COL5A2: variants seen among roughly 807,000 people sequenced by gnomAD.
COL5A2 encodes collagen type V alpha 2 chain, also known as collagen alpha-2(V) chain.
COL5A2 carries 23 observed loss-of-function variants against 208.2 expected under a neutral mutation model. That is an observed-to-expected ratio of 0.11 (90% CI 0.08 to 0.16). The LOEUF (loss-of-function observed/expected upper bound fraction) is 0.16, where lower values mean the gene tolerates loss of function less well. Among genes scored for constraint, COL5A2 ranks in the 10% least tolerant of loss-of-function variants. The pLI, the probability that COL5A2 is intolerant of heterozygous loss-of-function variation, is 1.00. For missense variants in COL5A2, 1,590 were observed against 1,956.4 expected (o/e 0.81, Z 3.53); for synonymous variants, 625 against 628.5 (o/e 0.99, Z 0.08).
the COL5A2 span, among the ~76,000 whole-genome samples, chr2:189,412,417 A>G: frequency 6.6e-6 from 1 of 152,256 alleles, no homozygotes; most frequent in Non-Finnish European, 1.5e-5. Flanking sequence ...TACTCATTCT[A>G]TAACATTCCA....
At chr2:189,344,640 A>G in the COL5A2 span, among the ~76,000 whole-genome samples, 4 of 152,196 alleles carry the variant, frequency 2.6e-5, no homozygotes, top group African/African-American at 9.7e-5. Flanking sequence ...TTCATCCTGC[A>G]AATGGAAATT....
At chr2:189,231,364 C>A in the COL5A2 span, among the ~76,000 whole-genome samples, 2 of 151,636 alleles carry the variant, frequency 1.3e-5, no homozygotes, top group African/African-American at 4.8e-5. Context: ...AGAACTTTAA[C>A]TTTACCAGGG....
the COL5A2 span, among the ~76,000 whole-genome samples, chr2:189,423,318 A>C: frequency 6.6e-6 from 1 of 151,932 alleles, no homozygotes; most frequent in Non-Finnish European, 1.5e-5. Context: ...CTAACATTGC[A>C]CCTTAAGGAA....
chr2:189,289,184 A>C, the COL5A2 span, among the ~76,000 whole-genome samples: 16 of 152,108 alleles, frequency 1.1e-4, no homozygotes, highest in East Asian at 9.7e-4. Flanking sequence ...TCTACTAAAA[A>C]TACAAAAATT....
the COL5A2 span, among the ~76,000 whole-genome samples, chr2:189,350,423 T>C: frequency 2.0e-5 from 3 of 152,012 alleles, no homozygotes; most frequent in Non-Finnish European, 4.4e-5. Flanking sequence ...ATAAGAAAGC[T>C]CTAAAAAGAA....
At chr2:189,297,499 T>A in the COL5A2 span, among the ~76,000 whole-genome samples, 1 of 152,342 alleles carries the variant, frequency 6.6e-6, no homozygotes, top group East Asian at 1.9e-4. Context: ...AAAATTAATT[T>A]TTTTAATTTA....
the COL5A2 span, among the ~76,000 whole-genome samples, chr2:189,380,640 A>T: frequency 6.6e-6 from 1 of 151,792 alleles, no homozygotes; most frequent in Non-Finnish European, 1.5e-5. Context: ...TGTAAAAAAT[A>T]TAAAAATTTT....
At chr2:189,260,543 G>T in the COL5A2 span, among the ~76,000 whole-genome samples, 1 of 152,150 alleles carries the variant, frequency 6.6e-6, no homozygotes, top group Admixed American at 6.5e-5. Context: ...GCTGAGAAAT[G>T]ATGTGTTCAA....
the COL5A2 span, among the ~76,000 whole-genome samples, chr2:189,341,734 C>A: frequency 6.6e-6 from 1 of 152,136 alleles, no homozygotes; most frequent in African/African-American, 2.4e-5. Flanking sequence ...CAACTACACA[C>A]ACTAACAGTG....
the COL5A2 span, among the ~76,000 whole-genome samples, chr2:189,285,416 C>T: frequency 4.1e-4 from 63 of 152,110 alleles, no homozygotes; most frequent in African/African-American, 1.3e-3. Context: ...CTGAAAAGGC[C>T]CCCTGAATTC....
At chr2:189,257,437 T>C in the COL5A2 span, among the ~76,000 whole-genome samples, 1 of 152,238 alleles carries the variant, frequency 6.6e-6, no homozygotes, top group African/African-American at 2.4e-5. Context: ...TTTTAAGATA[T>C]ATCTCAATAT....
At position 189,060,758 on chromosome 2, in the gene COL5A2, G is replaced by A. The variant is rs1576500665; in HGVS notation, c.2057C>T (p.Pro686Leu). Residue 686 changes from proline to leucine, a missense_variant, in exon 31 of 54, where the codon CCT (proline) becomes CTT (leucine). Pro to Leu is a moderately conservative substitution (Grantham distance 98, BLOSUM62 -3). Coordinates refer to ENST00000374866, the MANE Select transcript of COL5A2 (RefSeq NM_000393.5). ...ATCACCTGGTTTTCCACCTTCTCCAGGAGGCCCTGGAGGACCAGGAAGCCC... is the reference window on the plus strand; with the variant it reads ...ATCACCTGGTTTTCCACCTTCTCCAAGAGGCCCTGGAGGACCAGGAAGCCC... ...FQGLPGPPGP[P>L]GEGGKPGDQG... 1 of 1,613,588 alleles carries A rather than the reference G, an allele frequency of 6.2e-7. No homozygotes were observed. The highest frequency in any genetic ancestry group is 2.2e-5 in the East Asian group (1 of 44,856).
intron 12 of COL5A2, 103 bp downstream of exon 12, chr2:189,083,881 C>A: frequency 1.2e-6 from 1 of 858,176 alleles, no homozygotes; most frequent in Non-Finnish European, 2.0e-6. Context: ...TGCTGTTTGT[C>A]TCCATTTACT....
At chr2:189,163,105 TTAA>T (rs1006553118) in intron 1 of COL5A2, among the ~76,000 whole-genome samples, 12 of 151,948 alleles carry the variant, frequency 7.9e-5, no homozygotes, top group African/African-American at 2.4e-4. Context: ...CCACAACCAT[TTAA>T]TAATAATAAT....
In COL5A2 at chr2:189,063,020, G is replaced by A. The variant is rs775651794; in HGVS notation, c.1913C>T (p.Pro638Leu). ...AAAATGTATATTTACCCTCTGCCCA[G>A]GAACTCCAGCATTTCCTGCTTCTCC... is the stretch of plus-strand genomic sequence containing the variant. The part of the protein sequence containing the change: ...KPGEAGNAGV[P>L]GQRGAPGKDG... Residue 638 changes from proline (P) to leucine (L), a missense_variant, in exon 28 of 54, where the codon CCT becomes CTT. Transcript: ENST00000374866. The A allele has an allele frequency of 9.3e-6, 15 of 1,614,118 alleles. No homozygotes were observed. The highest frequency in any genetic ancestry group is 1.3e-5 in the Non-Finnish European group (15 of 1,180,014).
the COL5A2 span, among the ~76,000 whole-genome samples, chr2:189,413,094 T>C: frequency 1.5e-4 from 23 of 152,292 alleles, no homozygotes; most frequent in African/African-American, 4.8e-4. Flanking sequence ...ATAATTTCTA[T>C]AGTGAAGTTT....
intron 1 of COL5A2, among the ~76,000 whole-genome samples, chr2:189,211,461 T>C (rs908072216): frequency 4.6e-5 from 7 of 152,202 alleles, no homozygotes; most frequent in African/African-American, 1.7e-4. Flanking sequence ...TTAAAAATCA[T>C]TATCATTATT....
the COL5A2 span, among the ~76,000 whole-genome samples, chr2:189,343,964 C>T: frequency 6.6e-6 from 1 of 152,054 alleles, no homozygotes; most frequent in Non-Finnish European, 1.5e-5. Context: ...ATTTTAAAGC[C>T]AGCTTGTTTA....
chr2:189,130,628 A>G (rs1414396756), intron 1 of COL5A2, among the ~76,000 whole-genome samples: 2 of 151,928 alleles, frequency 1.3e-5, no homozygotes, highest in African/African-American at 4.8e-5. Context: ...TATTGCCACC[A>G]TATTTAAATA....
Sources: allele counts gnomAD v4.1 joint callset (sites outside exome capture counted in the v4.1 genomes callset), GRCh38; gene constraint gnomAD v4.1.1; transcripts MANE v1.5; gene names NCBI Gene and HGNC (gene_info 2026-07-23, HGNC 2026-07-21).